The following MLLT3 variants were observed in gnomAD, a reference collection of about 807,000 sequenced individuals.
MLLT3 encodes the protein protein AF-9.
Under a neutral mutation model 53.2 loss-of-function variants are expected in MLLT3, and 4 were observed. The ratio of observed to expected loss-of-function variants is 0.08; its 90% confidence interval spans 0.04 to 0.17. The LOEUF (loss-of-function observed/expected upper bound fraction) is 0.17. MLLT3 is among the 10% of genes least tolerant of loss of function. The pLI is 1.00. For missense variants in MLLT3, 569 were observed against 684.0 expected, an observed-to-expected ratio of 0.83 and a Z score of 1.87; for synonymous variants, 283 against 230.6, an observed-to-expected ratio of 1.23 and a Z score of -2.06.
intron 2 of MLLT3, among the ~76,000 whole-genome samples, chr9:20,483,801 G>A (rs1318246228): frequency 9.9e-5 from 14 of 141,722 alleles, no homozygotes; most frequent in African/African-American, 2.9e-4. Context: ...TCCGCCTCCC[G>A]AGTTCACGCC....
chr9:20,546,011 C>T (rs770946643), intron 2 of MLLT3, among the ~76,000 whole-genome samples: 3 of 151,972 alleles, frequency 2.0e-5, no homozygotes, highest in Admixed American at 6.6e-5. Flanking sequence ...ACAGCAAGAT[C>T]TCATCTCTAA....
intron 2 of MLLT3, among the ~76,000 whole-genome samples, chr9:20,510,105 G>A (rs1050429457): frequency 2.0e-5 from 3 of 152,018 alleles, no homozygotes; most frequent in African/African-American, 7.3e-5. Context: ...TGGCGAAAGA[G>A]CAAGGCACCA....
chr9:20,433,998 G>A (rs1314050376), intron 4 of MLLT3, among the ~76,000 whole-genome samples: 1 of 151,984 alleles, frequency 6.6e-6, no homozygotes, highest in Non-Finnish European at 1.5e-5. Flanking sequence ...GCACGCACCT[G>A]TAGTCCCAGC....
chr9:20,572,880 C>G (rs1036057423), intron 2 of MLLT3, among the ~76,000 whole-genome samples: 4 of 152,156 alleles, frequency 2.6e-5, no homozygotes, highest in Admixed American at 1.3e-4. Flanking sequence ...TCTGAACTAC[C>G]TTTTTATTAG....
At chr9:20,487,640 C>T (rs536802304) in intron 2 of MLLT3, among the ~76,000 whole-genome samples, 1 of 152,214 alleles carries the variant, frequency 6.6e-6, no homozygotes, top group South Asian at 2.1e-4. Context: ...TATCAGACAA[C>T]GTATCCACAA....
At chr9:20,363,342 G>A in intron 7 of MLLT3, 134 bp downstream of exon 7, 1 of 987,876 alleles carries the variant, frequency 1.0e-6, no homozygotes, top group South Asian at 1.7e-5. Flanking sequence ...ATACCAAGGA[G>A]ACCCTGCATC....
rs1263144546 is a variant in MLLT3, at chr9:20,413,841, C to T, written c.1005G>A (p.Met335Ile). 1.2e-6 allele frequency: 2 copies of T among 1,614,032 alleles called. No homozygotes were observed. The highest frequency in any genetic ancestry group is 3.3e-5 in the Admixed American group (2 of 59,952). The change falls in exon 5 of 11, where the codon ATG (methionine) becomes ATA (isoleucine). Residue 335 changes from methionine (M) to isoleucine (I), a missense_variant. This residue lies in a region of MLLT3 where 437 missense variants were observed against 376.5 expected (regional missense o/e 1.16). Coordinates refer to ENST00000380338, the MANE Select transcript of MLLT3 (RefSeq NM_004529.4). The part of the protein sequence containing the change: ...KQIKDKSHVK[M>I]GKVKIESETS... ...TCTCACTTTCAATTTTGACCTTTCC[C>T]ATCTTGACATGAGATTTATCTTTTA...
chr9:20,539,235 A>C lies in MLLT3; in HGVS notation c.193+81419T>G, dbSNP rs1191188149. Reference sequence around the variant, plus strand: ...TTACCCACAGTTGAACTTCCTCCAAATTGGAGTCAATCGTCTCAAACCTTG... The same window carrying C: ...TTACCCACAGTTGAACTTCCTCCAACTTGGAGTCAATCGTCTCAAACCTTG... On this transcript the variant is annotated intron_variant, in intron 2 of 10. Transcript: ENST00000380338. 8.5e-5 allele frequency among the ~76,000 whole-genome samples: 13 copies of C among 152,330 alleles called. No homozygotes were observed. The East Asian group carries it at 2.5e-3, about 29-fold the overall frequency.
intron 2 of MLLT3, among the ~76,000 whole-genome samples, chr9:20,613,158 A>T: frequency 6.6e-6 from 1 of 152,326 alleles, no homozygotes; most frequent in South Asian, 2.1e-4. Context: ...TGAGTGGGGG[A>T]AAAAAGCAAG....
chr9:20,557,419 T>A (rs1819089202), intron 2 of MLLT3, among the ~76,000 whole-genome samples: 1 of 152,212 alleles, frequency 6.6e-6, no homozygotes, highest in African/African-American at 2.4e-5. Flanking sequence ...GATGGGGGTG[T>A]TGTAAACTGA....
At chr9:20,355,801 A>T (rs1270759372) in intron 8 of MLLT3, among the ~76,000 whole-genome samples, 1 of 152,248 alleles carries the variant, frequency 6.6e-6, no homozygotes, top group Non-Finnish European at 1.5e-5. Context: ...AAGGAGGAAA[A>T]TGCCAAATAA....
At chr9:20,479,091 G>C (rs978705535) in intron 2 of MLLT3, among the ~76,000 whole-genome samples, 8 of 152,296 alleles carry the variant, frequency 5.3e-5, no homozygotes, top group Admixed American at 3.3e-4. Context: ...TTCCCAACAT[G>C]ATGAATCTCT....
chr9:20,556,683 A>AAAAT (rs893637628), intron 2 of MLLT3, among the ~76,000 whole-genome samples: 21 of 152,204 alleles, frequency 1.4e-4, no homozygotes, highest in South Asian at 4.1e-4. Context: ...ACTCCATCTC[A>AAAAT]AAATAAATAA....
At chr9:20,390,919 C>T (rs1312057538) in intron 5 of MLLT3, among the ~76,000 whole-genome samples, 1 of 152,148 alleles carries the variant, frequency 6.6e-6, no homozygotes, top group Non-Finnish European at 1.5e-5. Flanking sequence ...TCAAGACTTG[C>T]CTAGGCAACA....
At chr9:20,596,624 G>C (rs1820275247) in intron 2 of MLLT3, among the ~76,000 whole-genome samples, 3 of 152,310 alleles carry the variant, frequency 2.0e-5, no homozygotes, top group African/African-American at 4.8e-5. Context: ...CCAGGAGCTG[G>C]AGGTTGCAAT....
intron 2 of MLLT3, among the ~76,000 whole-genome samples, chr9:20,588,638 CTGTT>C (rs1185204128): frequency 2.0e-5 from 3 of 152,248 alleles, no homozygotes; most frequent in African/African-American, 7.2e-5. Flanking sequence ...ATTTGCCTCT[CTGTT>C]TGTCTGTTGT....
intron 4 of MLLT3, among the ~76,000 whole-genome samples, chr9:20,422,249 TACAATGC>T (rs1823028014): frequency 6.6e-6 from 1 of 152,178 alleles, no homozygotes; most frequent in South Asian, 2.1e-4. Context: ...TGTTATGAAA[TACAATGC>T]TTTGGAAGGT....
intron 8 of MLLT3, among the ~76,000 whole-genome samples, chr9:20,359,798 C>T (rs1020297184): frequency 2.0e-5 from 3 of 152,094 alleles, no homozygotes; most frequent in East Asian, 1.9e-4. Flanking sequence ...AGTTAATATT[C>T]GTACAGTAAC....
intron 3 of MLLT3, among the ~76,000 whole-genome samples, chr9:20,453,620 T>C (rs1199445320): frequency 6.6e-6 from 1 of 152,186 alleles, no homozygotes; most frequent in Non-Finnish European, 1.5e-5. Context: ...CTCCAGTAAC[T>C]AATGCCCTTA....
Sources: allele counts gnomAD v4.1 joint callset (sites outside exome capture counted in the v4.1 genomes callset), GRCh38; gene constraint gnomAD v4.1.1; regional missense constraint gnomAD v4.1.1; transcripts MANE v1.5; gene names NCBI Gene and HGNC (gene_info 2026-07-23, HGNC 2026-07-21).